GNG7: variants seen among roughly 807,000 people sequenced by gnomAD.
GNG7 encodes guanine nucleotide-binding protein G(I)/G(S)/G(O) subunit gamma-7.
Under a neutral mutation model 4.0 loss-of-function variants are expected in GNG7, and 1 was observed. That is an observed-to-expected ratio of 0.25 (90% CI 0.09 to 1.18). The LOEUF (loss-of-function observed/expected upper bound fraction) is 1.18. Among genes scored for constraint, GNG7 ranks in the 50% most tolerant of loss-of-function variants. The probability of loss-of-function intolerance (pLI) is 0.50; values close to 1 mark genes in which losing one functional copy is unlikely to be tolerated. For synonymous variants in GNG7, 34 were observed against 36.9 expected (o/e 0.92, Z 0.29); for missense variants, 86 against 91.9 (o/e 0.94, Z 0.26).
At chr19:2,568,662 C>CAT (rs140554264) in intron 2 of GNG7, among the ~76,000 whole-genome samples, 61,811 of 150,810 alleles carry the variant, frequency 0.41, 12,758 homozygotes, top group Admixed American at 0.53. Flanking sequence ...CACATATACA[C>CAT]ATACACATAC....
intron 1 of GNG7, among the ~76,000 whole-genome samples, chr19:2,654,038 C>T (rs1242665474): frequency 6.6e-6 from 1 of 152,296 alleles, no homozygotes; most frequent in Non-Finnish European, 1.5e-5. Context: ...TTCAGACCCT[C>T]GCTGTGGCGG....
intron 2 of GNG7, among the ~76,000 whole-genome samples, chr19:2,573,515 C>T (rs1293559216): frequency 1.3e-5 from 2 of 152,040 alleles, no homozygotes; most frequent in Admixed American, 1.3e-4. Context: ...CTGTGGAGAA[C>T]GATCTAAAAG....
At chr19:2,539,833 C>CTT (rs57224707) in intron 3 of GNG7, among the ~76,000 whole-genome samples, 1 of 150,544 alleles carries the variant, frequency 6.6e-6, no homozygotes, top group Non-Finnish European at 1.5e-5. Context: ...GGAACTCACA[C>CTT]CTCTCCTTTC....
intron 2 of GNG7, among the ~76,000 whole-genome samples, chr19:2,556,989 G>A (rs1307737681): frequency 6.6e-6 from 1 of 151,878 alleles, no homozygotes; most frequent in Non-Finnish European, 1.5e-5. Context: ...GACATCCAGG[G>A]GGGCTGCCTC....
intron 2 of GNG7, among the ~76,000 whole-genome samples, chr19:2,606,789 G>C (rs1981397927): frequency 6.6e-6 from 1 of 151,730 alleles, no homozygotes; most frequent in Non-Finnish European, 1.5e-5. Context: ...GGATGGTGCA[G>C]TCTCTTTGGA....
Position 2,653,389 on chromosome 19 carries a change from G to C in GNG7, c.-134-7109C>G, listed in dbSNP as rs1341720539. 1.3e-5 allele frequency among the ~76,000 whole-genome samples: 2 copies of C among 152,050 alleles called. No individual in the cohort carries two copies. Among genetic ancestry groups the C allele is most frequent in the Non-Finnish European group, 2.9e-5 (2 of 68,012 alleles). ...GATCGATCTGAGTCCCATGATCCTC[G>C]GCCCTGCTGAGGTCCCAGGAGGCTG... On this transcript the variant is annotated intron_variant, in intron 1 of 4. Transcript: ENST00000382159. This position sits in a 1 kb window ranked among gnomAD's most constrained non-coding sequence, Gnocchi z 4.8.
Position 2,513,193 on chromosome 19 carries a change from A to T in GNG7, c.*1829T>A. ...TGGGAACCCTGGCAGTCACCAGCTC[A>T]GGAAGTGAGCCAAGCAGGGATCCCC... is the stretch of plus-strand genomic sequence containing the variant. On this transcript the variant is annotated 3_prime_UTR_variant, in exon 5 of 5. Transcript: ENST00000382159. 1.1e-6 allele frequency: 1 copy of T among 933,538 alleles called. No homozygotes were observed. Among genetic ancestry groups the T allele is most frequent in the Admixed American group, 6.2e-5 (1 of 16,238 alleles). The allele number at this position is 933,538 out of a possible 1,614,324, so 57.8% of individuals were successfully genotyped here. A position where few individuals can be genotyped will look rare whatever the true frequency, so the allele number is the denominator to read the frequency against.
chr19:2,540,266 C>T (rs554394224), intron 3 of GNG7, among the ~76,000 whole-genome samples: 243 of 151,948 alleles, frequency 1.6e-3, no homozygotes, highest in African/African-American at 5.4e-3. Flanking sequence ...TTCTCCTGCC[C>T]CAGCCTCCCA....
chr19:2,640,275 G>C (rs1024442491), intron 2 of GNG7, among the ~76,000 whole-genome samples: 1 of 151,928 alleles, frequency 6.6e-6, no homozygotes, highest in Admixed American at 6.6e-5. Context: ...GAGAGGAAGA[G>C]AGAAAGAAAG....
chr19:2,568,815 CAT>C (rs1257596012), intron 2 of GNG7, among the ~76,000 whole-genome samples: 9 of 151,306 alleles, frequency 5.9e-5, no homozygotes, highest in South Asian at 2.1e-4. Context: ...TATACACACA[CAT>C]ATACACACAA....
At chr19:2,673,057 C>G (rs1568281062) in intron 1 of GNG7, among the ~76,000 whole-genome samples, 1 of 149,882 alleles carries the variant, frequency 6.7e-6, no homozygotes. Flanking sequence ...GAGATCGAGA[C>G]CATCCTGGCT....
intron 3 of GNG7, among the ~76,000 whole-genome samples, chr19:2,542,839 C>T (rs970721645): frequency 6.0e-5 from 9 of 150,780 alleles, no homozygotes; most frequent in South Asian, 4.2e-4. Context: ...AGGTGTTAGA[C>T]GCTGGACTGA....
chr19:2,655,897 G>A (rs555796593), intron 1 of GNG7, among the ~76,000 whole-genome samples: 1 of 148,022 alleles, frequency 6.8e-6, no homozygotes, highest in African/African-American at 2.5e-5. Flanking sequence ...GTGGTGGTGG[G>A]CACCTGTAAT....
At chr19:2,549,779 G>A (rs942627236) in intron 3 of GNG7, among the ~76,000 whole-genome samples, 3 of 152,174 alleles carry the variant, frequency 2.0e-5, no homozygotes, top group East Asian at 1.9e-4. Flanking sequence ...CCAGCAGGCC[G>A]GGGGTGAGGG....
chr19:2,560,221 C>T (rs75202584), intron 2 of GNG7, among the ~76,000 whole-genome samples: 3,854 of 152,184 alleles, frequency 0.025, 77 homozygotes, highest in Non-Finnish European at 0.039. Flanking sequence ...AATACGGACT[C>T]CGTGAATGAC....
rs188288754 is a variant in GNG7, at chr19:2,674,335, T to C, written c.-134-28055A>G. 6.6e-5 allele frequency among the ~76,000 whole-genome samples: 10 copies of C among 152,358 alleles called. No individual in the cohort carries two copies. The East Asian group carries it at 1.9e-3, about 29-fold the overall frequency. On this transcript the variant is annotated intron_variant, in intron 1 of 4. Transcript: ENST00000382159. ...TACACACAATTGTATGTTTGAAATA[T>C]ACAAAAGCAGTACAATCCACTCTTG...
rs187553787 is a variant in GNG7 at position 2,584,732 on chromosome 19, G to A, written c.-77-29544C>T. Among the ~76,000 whole-genome samples, 229 of 63,160 alleles carry A rather than the reference G, an allele frequency of 3.6e-3. 5 individuals are homozygous for A. The highest frequency in any genetic ancestry group is 6.2e-3 in the East Asian group (10 of 1,602). The allele number at this position is 63,160 out of a possible 152,430, so 41.4% of individuals were successfully genotyped here. A position where few individuals can be genotyped will look rare whatever the true frequency, so the allele number is the denominator to read the frequency against. On this transcript the variant is annotated intron_variant, in intron 2 of 4. Coordinates refer to ENST00000382159, the MANE Select transcript of GNG7 (RefSeq NM_052847.3). ...GGAAGTAAGGAAGGAAGGAAAGAAG[G>A]AAGGAAGGAGGGAGGGACGGATGGA...
At chr19:2,689,007 G>A (rs1913069810) in intron 1 of GNG7, among the ~76,000 whole-genome samples, 1 of 151,986 alleles carries the variant, frequency 6.6e-6, no homozygotes, top group South Asian at 2.1e-4. Flanking sequence ...GGAGGCTACA[G>A]TGAGCCATGA....
Position 2,614,603 on chromosome 19 carries a change from C to T in GNG7, c.-78+31621G>A, listed in dbSNP as rs1307419451. 6.6e-6 allele frequency among the ~76,000 whole-genome samples: 1 copy of T among 152,216 alleles called. No individual in the cohort carries two copies. Among genetic ancestry groups the T allele is most frequent in the African/African-American group, 2.4e-5 (1 of 41,466 alleles). ...GTGACATCCTCAAGGGGCATCCAGG[C>T]TGCACGTGGCCTGGGTCAGAGTCTC... On this transcript the variant is annotated intron_variant, in intron 2 of 4. Transcript: ENST00000382159. This position sits in a 1 kb window ranked among gnomAD's most constrained non-coding sequence, Gnocchi z 6.0.
Sources: gnomAD v4.1 joint callset for allele counts (sites outside exome capture counted in the v4.1 genomes callset) on GRCh38, gnomAD v4.1.1 for gene constraint, Gnocchi (gnomAD v3.1) non-coding constraint, MANE v1.5 for transcripts, NCBI Gene and HGNC (gene_info 2026-07-23, HGNC 2026-07-21) for gene names.